The following IQSEC1 variants were observed in gnomAD, a reference collection of about 807,000 sequenced individuals.
IQSEC1 encodes IQ motif and Sec7 domain ArfGEF 1.
Under a neutral mutation model 91.0 loss-of-function variants are expected in IQSEC1, and 31 were observed. The observed-to-expected ratio is 0.34, with a 90% CI of 0.26 to 0.46. The LOEUF (loss-of-function observed/expected upper bound fraction) is 0.46, where lower values mean the gene tolerates loss of function less well. Ranked by LOEUF, IQSEC1 falls within the 20% of genes least tolerant of loss-of-function variation. IQSEC1 has a pLI of 1.00. For missense variants in IQSEC1, 1,388 were observed against 1,575.6 expected, an observed-to-expected ratio of 0.88 and a Z score of 2.02; for synonymous variants, 699 against 662.6, an observed-to-expected ratio of 1.05 and a Z score of -0.84.
intron 1 of IQSEC1, among the ~76,000 whole-genome samples, chr3:13,199,831 G>A (rs1301244892): frequency 3.2e-5 from 1 of 31,454 alleles, no homozygotes; most frequent in Non-Finnish European, 5.7e-5. Context: ...ACAGGGTGGA[G>A]AAGCAGCCCC....
intron 2 of IQSEC1, among the ~76,000 whole-genome samples, chr3:13,131,828 G>A (rs1007635696): frequency 2.0e-5 from 3 of 151,950 alleles, no homozygotes; most frequent in African/African-American, 7.3e-5. Flanking sequence ...TTGGCTTTTT[G>A]GTTCCATTTT....
intron 1 of IQSEC1, among the ~76,000 whole-genome samples, chr3:13,232,155 T>C (rs144920654): frequency 3.3e-5 from 5 of 152,356 alleles, no homozygotes; most frequent in Admixed American, 3.3e-4. Flanking sequence ...TGAGTCTCAC[T>C]TCAGGACGAC....
At chr3:13,068,558 A>G (rs1428441225) in intron 1 of IQSEC1, among the ~76,000 whole-genome samples, 2 of 152,164 alleles carry the variant, frequency 1.3e-5, no homozygotes, top group Non-Finnish European at 2.9e-5. Flanking sequence ...TCTTTTCTTC[A>G]TATCTTTAGC....
At chr3:13,036,595 C>A (rs894437037) in intron 1 of IQSEC1, among the ~76,000 whole-genome samples, 6 of 152,206 alleles carry the variant, frequency 3.9e-5, no homozygotes, top group African/African-American at 1.2e-4. Flanking sequence ...CTGGACTGAA[C>A]TTCCCTGGCC....
intron 2 of IQSEC1, among the ~76,000 whole-genome samples, chr3:13,083,225 G>C (rs1705676351): frequency 1.3e-5 from 2 of 152,196 alleles, no homozygotes; most frequent in Non-Finnish European, 2.9e-5. Context: ...CAAGGAGAGA[G>C]AGGACCTACG....
chr3:12,954,374 A>G (rs1483325829), intron 1 of IQSEC1, among the ~76,000 whole-genome samples: 1 of 152,194 alleles, frequency 6.6e-6, no homozygotes, highest in Non-Finnish European at 1.5e-5. Flanking sequence ...CGCATGGGAA[A>G]GAGCCCGAGG....
chr3:13,262,056 T>C (rs1281591721), intron 1 of IQSEC1, among the ~76,000 whole-genome samples: 3 of 152,188 alleles, frequency 2.0e-5, no homozygotes, highest in African/African-American at 7.2e-5. Context: ...ACAAGCACCT[T>C]TTCCTGTGAC....
At chr3:13,111,069 G>A (rs1031505867) in intron 2 of IQSEC1, among the ~76,000 whole-genome samples, 7 of 152,244 alleles carry the variant, frequency 4.6e-5, no homozygotes, top group African/African-American at 1.4e-4. Flanking sequence ...AAGTGCGCCA[G>A]AGAGTGCTCA....
intron 2 of IQSEC1, among the ~76,000 whole-genome samples, chr3:12,939,935 G>A (rs183187776): frequency 1.8e-4 from 27 of 152,298 alleles, no homozygotes; most frequent in African/African-American, 5.3e-4. Flanking sequence ...CAGGGGCCTC[G>A]CCTTGGTCAT....
At chr3:13,261,680 A>G (rs1444001994) in intron 1 of IQSEC1, among the ~76,000 whole-genome samples, 2 of 151,982 alleles carry the variant, frequency 1.3e-5, no homozygotes, top group Admixed American at 6.5e-5. Flanking sequence ...CCAGGGATGC[A>G]TGGTCCCTGA....
intron 2 of IQSEC1, among the ~76,000 whole-genome samples, chr3:13,122,623 C>T (rs145177071): frequency 9.5e-4 from 145 of 152,270 alleles, no homozygotes; most frequent in African/African-American, 3.4e-3. Context: ...TCCTGCAGAC[C>T]TTGCCTGATG....
intron 2 of IQSEC1, among the ~76,000 whole-genome samples, chr3:13,146,570 T>C (rs1339711697): frequency 6.6e-6 from 1 of 152,198 alleles, no homozygotes; most frequent in Non-Finnish European, 1.5e-5. Flanking sequence ...CAGGGCGCAG[T>C]GGCTCATGCC....
chr3:13,009,351 G>A (rs904129287), intron 1 of IQSEC1, among the ~76,000 whole-genome samples: 1 of 152,132 alleles, frequency 6.6e-6, no homozygotes, highest in South Asian at 2.1e-4. Flanking sequence ...GAGGGTGTGG[G>A]CAGGCTGATT....
At chr3:12,920,627 A>G (rs777960729) in intron 5 of IQSEC1, 31 bp from the exon 6 acceptor site, 5 of 1,608,912 alleles carry the variant, frequency 3.1e-6, no homozygotes, top group Non-Finnish European at 4.3e-6. Flanking sequence ...GGTCAGGGCC[A>G]TGGCGCAGCA....
chr3:13,221,508 AC>A (rs1559280156), intron 1 of IQSEC1, among the ~76,000 whole-genome samples: 1 of 152,118 alleles, frequency 6.6e-6, no homozygotes, highest in East Asian at 1.9e-4. Flanking sequence ...GTGGACTCCC[AC>A]CCCAACTGCC....
chr3:13,268,149 G>A (rs1023527758), intron 1 of IQSEC1, among the ~76,000 whole-genome samples: 5 of 152,210 alleles, frequency 3.3e-5, no homozygotes, highest in Non-Finnish European at 7.3e-5. Context: ...GCACACCCCT[G>A]AGCAGAGCCC....
At chr3:13,054,756 C>T (rs1395241319) in intron 1 of IQSEC1, among the ~76,000 whole-genome samples, 2 of 152,226 alleles carry the variant, frequency 1.3e-5, no homozygotes, top group Non-Finnish European at 2.9e-5. Flanking sequence ...ATTCCATGAT[C>T]CCCGAGGGGG....
intron 1 of IQSEC1, among the ~76,000 whole-genome samples, chr3:13,173,099 A>T (rs1423225048): frequency 6.6e-6 from 1 of 152,196 alleles, no homozygotes; most frequent in African/African-American, 2.4e-5. Flanking sequence ...CCCTGGGAAA[A>T]GTCTGGAAGG....
intron 1 of IQSEC1, chr3:12,986,995 G>A: frequency 4.5e-6 from 2 of 441,332 alleles, no homozygotes; most frequent in Non-Finnish European, 9.1e-6. Flanking sequence ...GTGGGTGGGG[G>A]CCTCCTGCCA....
Sources: allele counts gnomAD v4.1 joint callset (sites outside exome capture counted in the v4.1 genomes callset), GRCh38; gene constraint gnomAD v4.1.1; transcripts MANE v1.5; gene names NCBI Gene and HGNC (gene_info 2026-07-23, HGNC 2026-07-21).